The following PCDHA2 variants were observed in gnomAD, a reference collection of about 807,000 sequenced individuals.
PCDHA2 encodes protocadherin alpha 2, also known as protocadherin alpha-2.
In PCDHA2, 58 loss-of-function variants were observed where a neutral mutation model predicts 66.0. The observed-to-expected ratio is 0.88, with a 90% CI of 0.71 to 1.09. The LOEUF (loss-of-function observed/expected upper bound fraction) is 1.09. PCDHA2 is among the 50% of genes least tolerant of loss of function. PCDHA2 has a pLI of 0.00. For missense variants in PCDHA2, 1,267 were observed against 1,242.3 expected, an observed-to-expected ratio of 1.02 and a Z score of -0.30; for synonymous variants, 634 against 554.0, an observed-to-expected ratio of 1.14 and a Z score of -2.03.
At chr5:140,824,106 G>C (rs2150132209) in intron 1 of PCDHA2, 6 of 1,614,086 alleles carry the variant, frequency 3.7e-6, no homozygotes, top group South Asian at 1.1e-5. Flanking sequence ...GCCTTCCTCA[G>C]GGTCCCACCT....
chr5:140,870,917 G>A, intron 1 of PCDHA2: 1 of 1,613,936 alleles, frequency 6.2e-7, no homozygotes, highest in Non-Finnish European at 8.5e-7. Flanking sequence ...TACAACGCGT[G>A]GCTTTCATAT....
chr5:140,870,852 G>C (rs782301779), intron 1 of PCDHA2: 3 of 1,613,862 alleles, frequency 1.9e-6, no homozygotes, highest in Non-Finnish European at 2.5e-6. Flanking sequence ...TACCGCGGTC[G>C]GTGGGTGCGG....
At chr5:140,838,888 C>G (rs2150293453) in intron 1 of PCDHA2, among the ~76,000 whole-genome samples, 1 of 151,810 alleles carries the variant, frequency 6.6e-6, no homozygotes, top group East Asian at 1.9e-4. Flanking sequence ...GAACTCCAGC[C>G]TAGGTGACAG....
chr5:140,898,423 C>T (rs1257208141), intron 1 of PCDHA2, among the ~76,000 whole-genome samples: 1 of 152,106 alleles, frequency 6.6e-6, no homozygotes, highest in African/African-American at 2.4e-5. Flanking sequence ...GCCAGTTTTC[C>T]CAGCACCATT....
chr5:140,927,193 C>A, intron 1 of PCDHA2: 1 of 1,614,186 alleles, frequency 6.2e-7, no homozygotes, highest in Non-Finnish European at 8.5e-7. Context: ...CGACCTGGTG[C>A]TCGAGGACCC....
intron 1 of PCDHA2, among the ~76,000 whole-genome samples, chr5:140,831,824 C>G (rs1771719892): frequency 6.6e-6 from 1 of 152,140 alleles, no homozygotes; most frequent in African/African-American, 2.4e-5. Context: ...ATGATAAACA[C>G]TAGTTTCAAT....
At chr5:140,828,399 G>A in intron 1 of PCDHA2, 1 of 1,614,300 alleles carries the variant, frequency 6.2e-7, no homozygotes, top group Non-Finnish European at 8.5e-7. Flanking sequence ...GCGGAGTGCA[G>A]CATCCACCTG....
intron 1 of PCDHA2, chr5:140,869,583 T>G: frequency 6.2e-7 from 1 of 1,614,152 alleles, no homozygotes; most frequent in Non-Finnish European, 8.5e-7. Flanking sequence ...CTTCTGATGC[T>G]GACATTGAAG....
rs78358581 is a variant in PCDHA2 at position 140,924,264 on chromosome 5, T to G, written c.2389-54685T>G. 2.9e-3 allele frequency among the ~76,000 whole-genome samples: 442 copies of G among 152,342 alleles called. 1 individual carries two copies. Among genetic ancestry groups the G allele is most frequent in the African/African-American group, 0.01 (423 of 41,584 alleles). On this transcript the variant is annotated intron_variant, in intron 1 of 3. Coordinates refer to ENST00000526136, the MANE Select transcript of PCDHA2 (RefSeq NM_018905.3). Reference sequence around the variant, plus strand: ...TGCATCCTGGTGAGATCTAATGAGGTCTGTACTTGTGACTACCTAATAGGC... The same window carrying G: ...TGCATCCTGGTGAGATCTAATGAGGGCTGTACTTGTGACTACCTAATAGGC...
In PCDHA2 at chr5:140,823,976, G is replaced by T. The variant is rs1247134130; in HGVS notation, c.2388+26624G>T. On this transcript the variant is annotated intron_variant, in intron 1 of 3. Coordinates refer to ENST00000526136, the MANE Select transcript of PCDHA2 (RefSeq NM_018905.3). Reference sequence around the variant, plus strand: ...CCCACCGAGGCCGTGTGCACACGGGGCAAGCCCACTCTGTTGTGCTCCAGC... The same window carrying T: ...CCCACCGAGGCCGTGTGCACACGGGTCAAGCCCACTCTGTTGTGCTCCAGC... 4 of 1,613,918 alleles carry T rather than the reference G, an allele frequency of 2.5e-6. No individual in the cohort carries two copies. In the African/African-American group the frequency reaches 5.3e-5, roughly 22 times the overall value.
intron 1 of PCDHA2, among the ~76,000 whole-genome samples, chr5:140,826,500 G>A (rs1768954368): frequency 6.6e-6 from 1 of 152,148 alleles, no homozygotes; most frequent in African/African-American, 2.4e-5. Context: ...TTTGGAGTAA[G>A]GTGAAGATGA....
At chr5:140,855,521 G>A (rs1349311147) in intron 1 of PCDHA2, among the ~76,000 whole-genome samples, 1 of 149,904 alleles carries the variant, frequency 6.7e-6, no homozygotes, top group Admixed American at 6.7e-5. Context: ...AAAATAATGA[G>A]AAAGAGAAGT....
At chr5:140,967,219 C>G in intron 1 of PCDHA2, 1 of 1,613,772 alleles carries the variant, frequency 6.2e-7, no homozygotes, top group Non-Finnish European at 8.5e-7. Flanking sequence ...TCCCGCGGCC[C>G]AACTACCAGC....
At chr5:140,898,100 G>C (rs1273803096) in intron 1 of PCDHA2, among the ~76,000 whole-genome samples, 2 of 152,132 alleles carry the variant, frequency 1.3e-5, no homozygotes, top group African/African-American at 4.8e-5. Flanking sequence ...CCCTTTGTCA[G>C]ATGAGTAGGT....
At chr5:140,906,753 T>G (rs2072907402) in intron 1 of PCDHA2, among the ~76,000 whole-genome samples, 1 of 152,224 alleles carries the variant, frequency 6.6e-6, no homozygotes, top group Non-Finnish European at 1.5e-5. Context: ...CAGGGCATGG[T>G]AATACTAAGA....
intron 3 of PCDHA2, among the ~76,000 whole-genome samples, chr5:140,987,422 G>A (rs1554249178): frequency 6.6e-6 from 1 of 152,152 alleles, no homozygotes; most frequent in Non-Finnish European, 1.5e-5. Flanking sequence ...CTTGTGAGAA[G>A]CAGGGGGCCT....
intron 1 of PCDHA2, among the ~76,000 whole-genome samples, chr5:140,934,025 A>C (rs190533956): frequency 1.2e-3 from 183 of 152,100 alleles, no homozygotes; most frequent in Non-Finnish European, 2.2e-3. Flanking sequence ...ACTTGGAAGT[A>C]GTTTATTAAT....
intron 3 of PCDHA2, among the ~76,000 whole-genome samples, chr5:141,003,915 C>T (rs2153979429): frequency 6.6e-6 from 1 of 152,298 alleles, no homozygotes; most frequent in African/African-American, 2.4e-5. Context: ...GTCTTGACTG[C>T]ATCCTCAGTC....
At chr5:140,850,806 G>A (rs1359393363) in intron 1 of PCDHA2, 2 of 1,598,276 alleles carry the variant, frequency 1.3e-6, no homozygotes, top group Non-Finnish European at 1.7e-6. Flanking sequence ...CGACCTCATG[G>A]CCTTCAGCCC....
Sources: gnomAD v4.1 joint callset for allele counts (sites outside exome capture counted in the v4.1 genomes callset) on GRCh38, gnomAD v4.1.1 for gene constraint, MANE v1.5 for transcripts, NCBI Gene and HGNC (gene_info 2026-07-23, HGNC 2026-07-21) for gene names.